FILIP1: variants seen among roughly 807,000 people sequenced by gnomAD.
FILIP1 encodes the protein filamin-A-interacting protein 1.
In FILIP1, 61 loss-of-function variants were observed where a neutral mutation model predicts 102.1. That is an observed-to-expected ratio of 0.60 (90% CI 0.49 to 0.74). FILIP1 has a LOEUF of 0.74. Ranked by LOEUF, FILIP1 falls within the 30% of genes least tolerant of loss-of-function variation. The pLI, the probability that FILIP1 is intolerant of heterozygous loss-of-function variation, is 0.00. For missense variants in FILIP1, 1,314 were observed against 1,441.2 expected, an observed-to-expected ratio of 0.91 and a Z score of 1.43; for synonymous variants, 491 against 526.9, an observed-to-expected ratio of 0.93 and a Z score of 0.93.
chr6:75,422,576 G>A (rs1478904065), intron 1 of FILIP1, among the ~76,000 whole-genome samples: 1 of 152,076 alleles, frequency 6.6e-6, no homozygotes, highest in African/African-American at 2.4e-5. Context: ...AAGCCTATTG[G>A]TAGCCAGAAA....
At chr6:75,370,138 G>A (rs965885453) in intron 2 of FILIP1, among the ~76,000 whole-genome samples, 1 of 152,186 alleles carries the variant, frequency 6.6e-6, no homozygotes, top group Non-Finnish European at 1.5e-5. Context: ...TGACCCCATT[G>A]CTGCAGTGAG....
chr6:75,400,358 A>G (rs1776612186), intron 2 of FILIP1, among the ~76,000 whole-genome samples: 1 of 152,226 alleles, frequency 6.6e-6, no homozygotes, highest in Non-Finnish European at 1.5e-5. Context: ...AGTGCTTTAT[A>G]GACACTGTCT....
chr6:75,374,202 C>T (rs146562358), intron 2 of FILIP1, among the ~76,000 whole-genome samples: 8 of 152,126 alleles, frequency 5.3e-5, no homozygotes, highest in Non-Finnish European at 8.8e-5. Flanking sequence ...TAGATAAGGT[C>T]ACAGGTTCCC....
chr6:75,327,430 T>C (rs768218749), intron 4 of FILIP1, among the ~76,000 whole-genome samples: 2 of 151,778 alleles, frequency 1.3e-5, no homozygotes, highest in Non-Finnish European at 2.9e-5. Flanking sequence ...TAAAAGAGGG[T>C]AAATCAGATC....
chr6:75,334,550 G>A (rs1431744565), intron 4 of FILIP1: 3 of 152,150 alleles, frequency 2.0e-5, no homozygotes, highest in Non-Finnish European at 4.4e-5. Context: ...TTAGAAATGA[G>A]TTTACTGCCA....
At chr6:75,473,897 C>T (rs1047304475) in intron 1 of FILIP1, 4 of 151,968 alleles carry the variant, frequency 2.6e-5, no homozygotes, top group East Asian at 1.9e-4. Flanking sequence ...TTTTTTAGGA[C>T]GAAGGTAAGG....
At chr6:75,299,043 G>A (rs1013537119) in intron 6 of FILIP1, among the ~76,000 whole-genome samples, 3 of 151,632 alleles carry the variant, frequency 2.0e-5, no homozygotes, top group Admixed American at 6.6e-5. Context: ...AAAAATTAGT[G>A]CTTTGGGGAT....
At chr6:75,351,529 A>G (rs998530322) in intron 4 of FILIP1, among the ~76,000 whole-genome samples, 3 of 152,214 alleles carry the variant, frequency 2.0e-5, no homozygotes, top group African/African-American at 4.8e-5. Context: ...ATTGTATCCC[A>G]TAAGATTATA....
chr6:75,444,657 AC>A (rs1778388043), intron 1 of FILIP1, among the ~76,000 whole-genome samples: 1 of 152,062 alleles, frequency 6.6e-6, no homozygotes, highest in Non-Finnish European at 1.5e-5. Flanking sequence ...CCTCAGCCAC[AC>A]CCTTTATATG....
chr6:75,490,784 T>C (rs1018521750), intron 1 of FILIP1, among the ~76,000 whole-genome samples: 1 of 152,144 alleles, frequency 6.6e-6, no homozygotes, highest in Non-Finnish European at 1.5e-5. Context: ...AAAGTGTTTA[T>C]AATTTTTCTG....
At chr6:75,354,096 GT>G (rs1774905112) in intron 3 of FILIP1, among the ~76,000 whole-genome samples, 1 of 152,128 alleles carries the variant, frequency 6.6e-6, no homozygotes, top group South Asian at 2.1e-4. Flanking sequence ...ATGTCCTTTA[GT>G]GAACATATGG....
intron 2 of FILIP1, among the ~76,000 whole-genome samples, chr6:75,367,093 C>T (rs1307289183): frequency 3.3e-5 from 5 of 152,180 alleles, no homozygotes; most frequent in Admixed American, 2.6e-4. Flanking sequence ...TCCTAATTCT[C>T]TTAGAAGACA....
Position 75,313,980 on chromosome 6 carries a change from C to T in FILIP1, c.1852G>A (p.Gly618Arg). 6.3e-7 allele frequency: 1 copy of T among 1,578,412 alleles called. No homozygotes were observed. Among genetic ancestry groups the T allele is most frequent in the Non-Finnish European group, 8.6e-7 (1 of 1,167,264 alleles). Residue 618 changes from glycine (G) to arginine (R), a missense_variant, in exon 5 of 6, where the codon GGG (glycine) becomes AGG (arginine). Coordinates refer to ENST00000237172, the MANE Select transcript of FILIP1 (RefSeq NM_015687.5). This position sits in a 1 kb window ranked among gnomAD's most constrained non-coding sequence, Gnocchi z 4.2. ...TCTTCCGGGCAGGTGAGCTCAGACC[C>T]TTTTCGTGACCTTCCTCTTGTTATT... ...REITRGRSRK[G>R]SELTCPEDNK...
intron 4 of FILIP1, among the ~76,000 whole-genome samples, chr6:75,338,904 T>C (rs1774331889): frequency 1.3e-5 from 2 of 152,378 alleles, no homozygotes; most frequent in East Asian, 3.8e-4. Context: ...CAGTTGCTTC[T>C]ATAACCTGGA....
At chr6:75,379,542 C>T (rs1029286207) in intron 2 of FILIP1, among the ~76,000 whole-genome samples, 1 of 152,196 alleles carries the variant, frequency 6.6e-6, no homozygotes, top group Non-Finnish European at 1.5e-5. Flanking sequence ...AGGAAGCTCA[C>T]TCTTAGGGAA....
intron 2 of FILIP1, among the ~76,000 whole-genome samples, chr6:75,386,674 C>T (rs751865660): frequency 2.0e-5 from 3 of 152,140 alleles, no homozygotes; most frequent in Non-Finnish European, 4.4e-5. Flanking sequence ...TTCCTAGCCA[C>T]GCCTCCTAAG....
chr6:75,390,031 G>A (rs1321505285), intron 2 of FILIP1, among the ~76,000 whole-genome samples: 3 of 151,976 alleles, frequency 2.0e-5, no homozygotes, highest in Non-Finnish European at 4.4e-5. Flanking sequence ...CAAAATACAG[G>A]TCCATGGCTC....
exon 7 of FILIP1, chr6:75,293,672 T>G (rs1772596104): frequency 6.6e-6 from 1 of 152,194 alleles, no homozygotes; most frequent in Admixed American, 6.5e-5. Flanking sequence ...TATAGTATTT[T>G]AATTTAAATC....
At chr6:75,489,373 A>G (rs1159955178) in intron 1 of FILIP1, among the ~76,000 whole-genome samples, 1 of 152,054 alleles carries the variant, frequency 6.6e-6, no homozygotes, top group Non-Finnish European at 1.5e-5. Context: ...AGGATTCCAA[A>G]CTTAAATAAT....
Sources: gnomAD v4.1 joint callset for allele counts (sites outside exome capture counted in the v4.1 genomes callset) on GRCh38, gnomAD v4.1.1 for gene constraint, Gnocchi (gnomAD v3.1) non-coding constraint, MANE v1.5 for transcripts, NCBI Gene and HGNC (gene_info 2026-07-23, HGNC 2026-07-21) for gene names.